Variants in FRMD4A observed in about 807,000 individuals in gnomAD.
FRMD4A encodes FERM domain-containing protein 4A.
A neutral mutation model predicts 129.1 loss-of-function variants in FRMD4A; 29 were observed. The ratio of observed to expected loss-of-function variants is 0.22; its 90% CI spans 0.17 to 0.31. FRMD4A has a LOEUF of 0.31. Among genes scored for constraint, FRMD4A ranks in the 10% least tolerant of loss-of-function variants. FRMD4A has a pLI of 1.00. For synonymous variants in FRMD4A, 634 were observed against 571.6 expected (o/e 1.11, Z -1.56); for missense variants, 1,272 against 1,375.8 (o/e 0.92, Z 1.19).
intron 2 of FRMD4A, among the ~76,000 whole-genome samples, chr10:14,289,507 G>C (rs1845784708): frequency 6.6e-6 from 1 of 152,072 alleles, no homozygotes. Context: ...AGTTGTAGGA[G>C]TTCCTTATAT....
chr10:14,205,613 C>G (rs1405983458), intron 2 of FRMD4A, among the ~76,000 whole-genome samples: 2 of 151,944 alleles, frequency 1.3e-5, no homozygotes, highest in African/African-American at 4.8e-5. Context: ...TCAAGACCAG[C>G]CTGATCAACT....
chr10:13,786,444 A>C (rs2092865446), intron 5 of FRMD4A, among the ~76,000 whole-genome samples: 1 of 152,146 alleles, frequency 6.6e-6, no homozygotes, highest in Non-Finnish European at 1.5e-5. Context: ...GTCTCTACTA[A>C]AAATACAAAA....
chr10:13,914,764 G>A (rs1267540573), intron 2 of FRMD4A, among the ~76,000 whole-genome samples: 2 of 151,936 alleles, frequency 1.3e-5, no homozygotes, highest in Non-Finnish European at 2.9e-5. Context: ...GGAGGCTGAA[G>A]TGTGATGTGG....
chr10:14,133,769 G>A (rs1421856912), intron 2 of FRMD4A, among the ~76,000 whole-genome samples: 1 of 152,160 alleles, frequency 6.6e-6, no homozygotes, highest in Non-Finnish European at 1.5e-5. Flanking sequence ...ACAAAGACTT[G>A]GAGAACCATA....
intron 3 of FRMD4A, among the ~76,000 whole-genome samples, chr10:13,852,034 A>G (rs1410482344): frequency 6.6e-6 from 1 of 151,868 alleles, no homozygotes; most frequent in African/African-American, 2.4e-5. Flanking sequence ...ATTTCATTAT[A>G]TGTTACAATG....
chr10:14,056,832 T>C (rs1834556912), intron 2 of FRMD4A, among the ~76,000 whole-genome samples: 1 of 152,246 alleles, frequency 6.6e-6, no homozygotes, highest in Non-Finnish European at 1.5e-5. Flanking sequence ...GCTTGTGTTA[T>C]AGTTCTTGTT....
intron 2 of FRMD4A, among the ~76,000 whole-genome samples, chr10:14,225,756 G>A (rs1651402433): frequency 6.6e-6 from 1 of 152,220 alleles, no homozygotes; most frequent in South Asian, 2.1e-4. Flanking sequence ...TTCTGTAAGT[G>A]ATAGAAGAAG....
At chr10:14,057,733 G>C (rs933684725) in intron 2 of FRMD4A, among the ~76,000 whole-genome samples, 1 of 152,152 alleles carries the variant, frequency 6.6e-6, no homozygotes, top group Admixed American at 6.5e-5. Flanking sequence ...ACCCTGCCCG[G>C]CTAATTTTGT....
chr10:13,967,477 G>A (rs12246705), intron 2 of FRMD4A, among the ~76,000 whole-genome samples: 27,260 of 152,150 alleles, frequency 0.18, 2,975 homozygotes, highest in African/African-American at 0.3. Flanking sequence ...ACAAACCACC[G>A]GTGCAGAACT....
At chr10:13,777,791 A>ATTTTTTTTTTTTTTTTTTTTTTT in intron 6 of FRMD4A, among the ~76,000 whole-genome samples, 1 of 85,984 alleles carries the variant, frequency 1.2e-5, no homozygotes, top group South Asian at 5.5e-4. Flanking sequence ...CTTTGGGTCA[A>ATTTTTTTTTTTTTTTTTTTTTTT]TTTTTTTTTT....
chr10:13,882,785 A>C (rs2131129358), intron 2 of FRMD4A, among the ~76,000 whole-genome samples: 1 of 147,530 alleles, frequency 6.8e-6, no homozygotes. Flanking sequence ...ACAAAACCAA[A>C]AGCCACAGTA....
At chr10:13,661,035 A>C (rs1185981870) in intron 19 of FRMD4A, among the ~76,000 whole-genome samples, 3 of 152,210 alleles carry the variant, frequency 2.0e-5, no homozygotes, top group Non-Finnish European at 4.4e-5. Context: ...TGGTTGGAGA[A>C]GAAAAAATGA....
intron 6 of FRMD4A, among the ~76,000 whole-genome samples, chr10:13,777,066 G>A (rs2092612617): frequency 3.3e-5 from 5 of 152,258 alleles, no homozygotes; most frequent in African/African-American, 2.4e-5. Flanking sequence ...GCTTGGAGAC[G>A]TTACAGGAGG....
chr10:14,089,271 G>C (rs924732351), intron 2 of FRMD4A, among the ~76,000 whole-genome samples: 7 of 152,144 alleles, frequency 4.6e-5, no homozygotes, highest in African/African-American at 1.7e-4. Context: ...GGGGAGAGAA[G>C]AGTGCCCAGC....
chr10:14,201,731 G>T (rs543308412), intron 2 of FRMD4A, among the ~76,000 whole-genome samples: 5 of 152,262 alleles, frequency 3.3e-5, no homozygotes, highest in African/African-American at 1.2e-4. Flanking sequence ...ATGCTTCTCT[G>T]GAGCTGTGGT....
At chr10:14,063,556 C>T (rs1834915419) in intron 2 of FRMD4A, among the ~76,000 whole-genome samples, 1 of 37,604 alleles carries the variant, frequency 2.7e-5, no homozygotes, top group South Asian at 3.0e-3. Flanking sequence ...TTTACCTTTT[C>T]TCATTAAAAA....
chr10:13,696,561 T>C (rs2086241031), intron 14 of FRMD4A, among the ~76,000 whole-genome samples: 1 of 152,176 alleles, frequency 6.6e-6, no homozygotes, highest in South Asian at 2.1e-4. Context: ...CTGGCTAACA[T>C]GGCAAAACCC....
At chr10:13,661,542 G>C (rs2082639003) in intron 19 of FRMD4A, among the ~76,000 whole-genome samples, 1 of 152,198 alleles carries the variant, frequency 6.6e-6, no homozygotes, top group African/African-American at 2.4e-5. Context: ...TGGGGGCCTG[G>C]AATTCCGAGT....
At chr10:14,266,963 T>C (rs1268545726) in intron 2 of FRMD4A, among the ~76,000 whole-genome samples, 1 of 152,264 alleles carries the variant, frequency 6.6e-6, no homozygotes, top group African/African-American at 2.4e-5. Context: ...CTCTTTCTTC[T>C]TTGGAATTTC....
Sources: gnomAD v4.1 joint callset for allele counts (sites outside exome capture counted in the v4.1 genomes callset) on GRCh38, gnomAD v4.1.1 for gene constraint, MANE v1.5 for transcripts, NCBI Gene and HGNC (gene_info 2026-07-23, HGNC 2026-07-21) for gene names.